The following ITPR1 variants were observed in gnomAD, a reference collection of about 807,000 sequenced individuals.
ITPR1 encodes the protein inositol 1,4,5-trisphosphate-gated calcium channel ITPR1.
A neutral mutation model predicts 318.4 loss-of-function variants in ITPR1; 96 were observed. The ratio of observed to expected loss-of-function variants is 0.30; its 90% CI spans 0.26 to 0.36. ITPR1 has a LOEUF of 0.36. ITPR1 is among the 10% of genes least tolerant of loss of function. The probability of loss-of-function intolerance (pLI) is 1.00; values close to 1 mark genes in which losing one functional copy is unlikely to be tolerated. For synonymous variants in ITPR1, 1,312 were observed against 1,289.9 expected (o/e 1.02, Z -0.37); for missense variants, 2,440 against 3,460.2 (o/e 0.71, Z 7.40).
At chr3:4,783,608 C>A (rs139714747) in intron 50 of ITPR1, among the ~76,000 whole-genome samples, 1 of 152,328 alleles carries the variant, frequency 6.6e-6, no homozygotes, top group African/African-American at 2.4e-5. Context: ...TGTGTGGGCA[C>A]GAGCTTTCCA....
intron 59 of ITPR1, chr3:4,816,093 C>T (rs1253092041): frequency 6.6e-6 from 1 of 151,986 alleles, no homozygotes; most frequent in Non-Finnish European, 1.5e-5. Flanking sequence ...AAAACAAGAA[C>T]ATTCTCTTGT....
At chr3:4,622,745 G>C (rs934881643) in intron 4 of ITPR1, among the ~76,000 whole-genome samples, 1 of 152,178 alleles carries the variant, frequency 6.6e-6, no homozygotes, top group Non-Finnish European at 1.5e-5. Flanking sequence ...TTGAATCCAA[G>C]AATGAACACT....
intron 24 of ITPR1, among the ~76,000 whole-genome samples, chr3:4,678,783 G>T (rs1415125659): frequency 6.6e-6 from 1 of 152,194 alleles, no homozygotes; most frequent in Admixed American, 6.5e-5. Context: ...TCAGGTGGAT[G>T]GAGCAGCCTG....
At chr3:4,746,984 C>G (rs970021067) in intron 44 of ITPR1, among the ~76,000 whole-genome samples, 11 of 152,170 alleles carry the variant, frequency 7.2e-5, no homozygotes, top group African/African-American at 2.7e-4. Context: ...TTACTTTAGC[C>G]TTCTTACCAT....
intron 7 of ITPR1, 64 bp from the exon 8 acceptor site, chr3:4,644,072 C>T: frequency 1.9e-6 from 2 of 1,040,026 alleles, no homozygotes; most frequent in Non-Finnish European, 2.9e-6. Flanking sequence ...CTAGAACTGC[C>T]CAGTGGTCAA....
intron 18 of ITPR1, among the ~76,000 whole-genome samples, chr3:4,668,226 T>C (rs1369606695): frequency 6.6e-6 from 1 of 151,350 alleles, no homozygotes; most frequent in Non-Finnish European, 1.5e-5. Flanking sequence ...TTTTTTTTTT[T>C]TTTTTTTTAC....
At chr3:4,609,051 AATATATATATAT>A (rs754002503) in intron 4 of ITPR1, among the ~76,000 whole-genome samples, 557 of 46,560 alleles carry the variant, frequency 0.012, 18 homozygotes, top group African/African-American at 0.026. Context: ...ACAACAACGA[AATATATATATAT>A]ATATATATAT....
rs184248179 is a variant in ITPR1, at chr3:4,529,016, C to G, written c.163+7922C>G. Reference sequence around the variant, plus strand: ...GGATGGTGCCTGCTGCCTGATTATGCTGGAGTCCCACACACTGCAGCGTAT... The same window carrying G: ...GGATGGTGCCTGCTGCCTGATTATGGTGGAGTCCCACACACTGCAGCGTAT... On this transcript the variant is annotated intron_variant, in intron 4 of 61. Transcript: ENST00000649015. Among the ~76,000 whole-genome samples the G allele has an allele frequency of 5.8e-4, 89 of 152,264 alleles. 1 individual carries two copies. The highest frequency in any genetic ancestry group is 1.1e-3 in the Non-Finnish European group (74 of 68,018).
At chr3:4,751,442 A>G (rs2044510225) in intron 44 of ITPR1, 2 of 152,222 alleles carry the variant, frequency 1.3e-5, no homozygotes, top group African/African-American at 2.4e-5. Flanking sequence ...TGTGTTGTCC[A>G]TCACATTCCC....
intron 53 of ITPR1, among the ~76,000 whole-genome samples, chr3:4,795,543 C>T (rs2125415734): frequency 6.6e-6 from 1 of 152,318 alleles, no homozygotes; most frequent in East Asian, 1.9e-4. Flanking sequence ...AGAGCTAACC[C>T]TAAAACGTAG....
At chr3:4,729,891 T>C (rs1017117219) in intron 42 of ITPR1, among the ~76,000 whole-genome samples, 1 of 151,892 alleles carries the variant, frequency 6.6e-6, no homozygotes, top group East Asian at 1.9e-4. Context: ...CACAGCCAAA[T>C]GTTAAAGCTG....
chr3:4,510,785 C>T (rs1246241085), intron 2 of ITPR1, among the ~76,000 whole-genome samples: 2 of 152,092 alleles, frequency 1.3e-5, no homozygotes, highest in African/African-American at 4.8e-5. Flanking sequence ...AATTTAACTT[C>T]ATCTGAGGGG....
intron 44 of ITPR1, among the ~76,000 whole-genome samples, chr3:4,759,238 G>A (rs936027304): frequency 1.3e-5 from 2 of 152,218 alleles, no homozygotes; most frequent in African/African-American, 4.8e-5. Context: ...TGCAGGGCTG[G>A]GGGAGGATGG....
intron 4 of ITPR1, among the ~76,000 whole-genome samples, chr3:4,588,219 T>C (rs188324088): frequency 6.6e-6 from 1 of 152,354 alleles, no homozygotes; most frequent in East Asian, 1.9e-4. Flanking sequence ...TCTTCTCATA[T>C]TCTTGCTGCA....
At chr3:4,740,478 A>G (rs2043620539) in intron 44 of ITPR1, among the ~76,000 whole-genome samples, 2 of 152,240 alleles carry the variant, frequency 1.3e-5, no homozygotes, top group African/African-American at 4.8e-5. Context: ...GGGAATCCAC[A>G]AATAATGACA....
At chr3:4,630,064 T>A (rs552114867) in intron 5 of ITPR1, among the ~76,000 whole-genome samples, 1 of 152,140 alleles carries the variant, frequency 6.6e-6, no homozygotes, top group South Asian at 2.1e-4. Flanking sequence ...TCATAAATAA[T>A]AGATACCAAT....
At chr3:4,566,604 G>GCATA (rs2087289324) in intron 4 of ITPR1, among the ~76,000 whole-genome samples, 1 of 140,898 alleles carries the variant, frequency 7.1e-6, no homozygotes, top group African/African-American at 2.7e-5. Context: ...GGGGACACAT[G>GCATA]CACACACACA....
chr3:4,659,450 G>C (rs1413577061), intron 13 of ITPR1, among the ~76,000 whole-genome samples: 2 of 152,170 alleles, frequency 1.3e-5, no homozygotes, highest in African/African-American at 4.8e-5. Context: ...GGAGGCTGAA[G>C]CAGACAGATC....
At chr3:4,590,203 T>G (rs2090278008) in intron 4 of ITPR1, among the ~76,000 whole-genome samples, 1 of 136,990 alleles carries the variant, frequency 7.3e-6, no homozygotes, top group Non-Finnish European at 1.5e-5. Flanking sequence ...TTTGTCTTCA[T>G]AGCAGGTACT....
Sources: allele counts gnomAD v4.1 joint callset (sites outside exome capture counted in the v4.1 genomes callset), GRCh38; gene constraint gnomAD v4.1.1; transcripts MANE v1.5; gene names NCBI Gene and HGNC (gene_info 2026-07-23, HGNC 2026-07-21).